NDUFS4: variants seen among roughly 807,000 people sequenced by gnomAD.
NDUFS4 encodes NADH:ubiquinone oxidoreductase subunit S4, also known as NADH dehydrogenase [ubiquinone] iron-sulfur protein 4, mitochondrial.
A neutral mutation model predicts 24.3 loss-of-function variants in NDUFS4; 28 were observed. The ratio of observed to expected loss-of-function variants is 1.15; its 90% CI spans 0.85 to 1.58. NDUFS4 has a LOEUF of 1.58. Ranked by LOEUF, NDUFS4 falls within the 40% of genes most tolerant of loss-of-function variation. The pLI is 0.00. For synonymous variants in NDUFS4, 93 were observed against 69.7 expected (o/e 1.34, Z -1.67); for missense variants, 223 against 207.9 (o/e 1.07, Z -0.45).
At chr5:53,573,175 G>A (rs10036570) in intron 1 of NDUFS4, among the ~76,000 whole-genome samples, 53,294 of 150,668 alleles carry the variant, frequency 0.35, 10,298 homozygotes, top group African/African-American at 0.52. Flanking sequence ...GTGTCTCCCT[G>A]TGTTGCCCAG....
At chr5:53,578,135 A>G (rs1038053504) in intron 1 of NDUFS4, among the ~76,000 whole-genome samples, 1 of 152,234 alleles carries the variant, frequency 6.6e-6, no homozygotes, top group African/African-American at 2.4e-5. Flanking sequence ...TAGAATGGAT[A>G]CAACATGCAT....
intron 4 of NDUFS4, among the ~76,000 whole-genome samples, chr5:53,681,322 A>ATTAC: frequency 6.6e-6 from 1 of 152,116 alleles, no homozygotes; most frequent in South Asian, 2.1e-4. Context: ...GGGGAATAAT[A>ATTAC]TTACTTCATA....
chr5:53,670,988 TATAG>T (rs1740206322), intron 4 of NDUFS4, among the ~76,000 whole-genome samples: 1 of 151,762 alleles, frequency 6.6e-6, no homozygotes, highest in South Asian at 2.1e-4. Context: ...AGTATCTCTA[TATAG>T]AGAGATAATA....
At position 53,665,800 on chromosome 5, in the gene NDUFS4, T is replaced by A. The variant is rs187877610; in HGVS notation, c.424+7176T>A. Among the ~76,000 whole-genome samples, 249 of 152,332 alleles carry A rather than the reference T, an allele frequency of 1.6e-3. 1 individual carries two copies. Among genetic ancestry groups the A allele is most frequent in the African/African-American group, 5.5e-3 (227 of 41,564 alleles). ...GGGTGAGGCGATGCCTCGCCCTGCT[T>A]GGGCTCACACTCGGTGTGCTCCACC... On this transcript the variant is annotated intron_variant, in intron 4 of 4. Coordinates refer to ENST00000296684, the MANE Select transcript of NDUFS4 (RefSeq NM_002495.4).
At chr5:53,616,613 T>G (rs745989839) in intron 2 of NDUFS4, among the ~76,000 whole-genome samples, 9 of 152,090 alleles carry the variant, frequency 5.9e-5, no homozygotes, top group Admixed American at 2.0e-4. Flanking sequence ...AGATATGACA[T>G]AATAAGAAAG....
intron 4 of NDUFS4, among the ~76,000 whole-genome samples, chr5:53,673,080 A>G (rs1466496476): frequency 6.6e-6 from 1 of 152,168 alleles, no homozygotes; most frequent in Admixed American, 6.5e-5. Flanking sequence ...ACTCAGGTAA[A>G]TAGAACACAT....
chr5:53,647,335 C>A (rs1751899472), intron 3 of NDUFS4, among the ~76,000 whole-genome samples: 1 of 152,068 alleles, frequency 6.6e-6, no homozygotes, highest in Non-Finnish European at 1.5e-5. Flanking sequence ...CCACCTTAAT[C>A]CCCCAAGTAG....
At chr5:53,592,392 G>C (rs1749999919) in intron 1 of NDUFS4, among the ~76,000 whole-genome samples, 1 of 152,266 alleles carries the variant, frequency 6.6e-6, no homozygotes, top group East Asian at 1.9e-4. Flanking sequence ...AGCTAAAGCT[G>C]TTAATTTCAA....
intron 4 of NDUFS4, among the ~76,000 whole-genome samples, chr5:53,676,026 C>T (rs1740455849): frequency 6.6e-6 from 1 of 152,192 alleles, no homozygotes; most frequent in Non-Finnish European, 1.5e-5. Flanking sequence ...GAAAAAGATA[C>T]ATTGACTCTA....
At position 53,646,234 on chromosome 5, in the gene NDUFS4, A is replaced by G; in HGVS notation, c.179A>G (p.Asp60Gly). 6.2e-7 allele frequency: 1 copy of G among 1,606,342 alleles called. No homozygotes were observed. The stretch of plus-strand genomic sequence containing the variant: ...TTTTTTTTTCTTGTTTTTCTGTAGG[A>G]TATCACTACTTTAACTGGAGTTCCA... ...TQLITVDEKL[D>G]ITTLTGVPEE... Residue 60 changes from aspartate to glycine, a missense_variant and splice_region_variant, in exon 3 of 5, where the codon GAT becomes GGT. Transcript: ENST00000296684.
At chr5:53,637,466 G>T (rs1281158526) in intron 2 of NDUFS4, among the ~76,000 whole-genome samples, 1 of 152,114 alleles carries the variant, frequency 6.6e-6, no homozygotes, top group African/African-American at 2.4e-5. Context: ...GATTCTTCCT[G>T]AACTTGTACA....
chr5:53,666,634 T>A (rs1163552895), intron 4 of NDUFS4, among the ~76,000 whole-genome samples: 1 of 149,872 alleles, frequency 6.7e-6, no homozygotes, highest in Non-Finnish European at 1.5e-5. Flanking sequence ...AATAAATGAC[T>A]TTCTAAAATA....
chr5:53,666,356 T>C (rs774074611), intron 4 of NDUFS4, among the ~76,000 whole-genome samples: 2 of 152,218 alleles, frequency 1.3e-5, no homozygotes, highest in Non-Finnish European at 2.9e-5. Context: ...CAGTGTGAGC[T>C]CACCACTGTT....
At chr5:53,564,698 C>T (rs1449248040) in intron 1 of NDUFS4, among the ~76,000 whole-genome samples, 3 of 152,086 alleles carry the variant, frequency 2.0e-5, no homozygotes, top group Non-Finnish European at 4.4e-5. Flanking sequence ...CTTGCCACCA[C>T]GCCCAGCTAA....
chr5:53,641,477 A>G (rs1751704631), intron 2 of NDUFS4, among the ~76,000 whole-genome samples: 1 of 152,322 alleles, frequency 6.6e-6, no homozygotes, highest in South Asian at 2.1e-4. Flanking sequence ...AGTATGCAAA[A>G]TATAACAGAT....
intron 4 of NDUFS4, among the ~76,000 whole-genome samples, chr5:53,677,649 C>T (rs937056115): frequency 2.0e-5 from 3 of 152,170 alleles, no homozygotes; most frequent in African/African-American, 7.2e-5. Flanking sequence ...CGCTTTCAGC[C>T]AGATATAATA....
At chr5:53,682,985 A>G in intron 4 of NDUFS4, 133 bp from the exon 5 acceptor site, 1 of 755,556 alleles carries the variant, frequency 1.3e-6, no homozygotes, top group Non-Finnish European at 2.4e-6. Flanking sequence ...TATATCTCAG[A>G]TGTGTTGACA....
chr5:53,563,347 C>T (rs984314368), intron 1 of NDUFS4, among the ~76,000 whole-genome samples: 1 of 151,162 alleles, frequency 6.6e-6, no homozygotes, highest in Non-Finnish European at 1.5e-5. Flanking sequence ...TGCAACAACA[C>T]ATACACACAA....
chr5:53,625,050 A>G (rs943047068), intron 2 of NDUFS4, among the ~76,000 whole-genome samples: 2 of 151,968 alleles, frequency 1.3e-5, no homozygotes, highest in Non-Finnish European at 2.9e-5. Flanking sequence ...AGCTCAAGAG[A>G]TCCTCCCACC....
Sources: gnomAD v4.1 joint callset for allele counts (sites outside exome capture counted in the v4.1 genomes callset) on GRCh38, gnomAD v4.1.1 for gene constraint, MANE v1.5 for transcripts, NCBI Gene and HGNC (gene_info 2026-07-23, HGNC 2026-07-21) for gene names.